The following CSMD3 variants were observed in gnomAD, a reference collection of about 807,000 sequenced individuals.
CSMD3 encodes the protein CUB and sushi domain-containing protein 3.
Under a neutral mutation model 435.2 loss-of-function variants are expected in CSMD3, and 177 were observed. That is an observed-to-expected ratio of 0.41 (90% CI 0.36 to 0.46). CSMD3 has a LOEUF of 0.46. Among genes scored for constraint, CSMD3 ranks in the 20% least tolerant of loss-of-function variants. The pLI is 0.34. For missense variants in CSMD3, 4,265 were observed against 4,504.6 expected, an observed-to-expected ratio of 0.95 and a Z score of 1.52; for synonymous variants, 1,656 against 1,520.5, an observed-to-expected ratio of 1.09 and a Z score of -2.07.
intron 63 of CSMD3, 69 bp downstream of exon 63, chr8:112,254,184 A>T (rs2130254649): frequency 9.9e-7 from 1 of 1,013,018 alleles, no homozygotes; most frequent in Non-Finnish European, 1.6e-6. Context: ...CAACAAGATT[A>T]TATGCATATG....
At chr8:112,809,569 T>G (rs1027354402) in intron 12 of CSMD3, among the ~76,000 whole-genome samples, 5 of 152,152 alleles carry the variant, frequency 3.3e-5, no homozygotes, top group Admixed American at 3.3e-4. Flanking sequence ...AAGAACCACA[T>G]TTTATTAAAA....
intron 1 of CSMD3, among the ~76,000 whole-genome samples, chr8:113,355,905 A>G (rs904700577): frequency 4.0e-5 from 6 of 150,174 alleles, no homozygotes; most frequent in African/African-American, 7.3e-5. Flanking sequence ...GTTGTACATA[A>G]TATTAGTTGA....
chr8:112,747,677 T>C (rs576654504), intron 13 of CSMD3, among the ~76,000 whole-genome samples: 2 of 152,276 alleles, frequency 1.3e-5, no homozygotes, highest in African/African-American at 4.8e-5. Context: ...TATAAAACTT[T>C]ATTTATAAAA....
chr8:112,304,796 C>T lies in CSMD3; in HGVS notation c.8191G>A (p.Gly2731Arg), dbSNP rs2130777806. 6.2e-7 allele frequency: 1 copy of T among 1,613,880 alleles called. No homozygotes were observed. The change falls in exon 52 of 71, where the codon GGA becomes AGA. Residue 2731 changes from glycine (G) to arginine (R), a missense_variant. Coordinates refer to ENST00000297405, the MANE Select transcript of CSMD3 (RefSeq NM_198123.2). ...CATTCGATGGAGGCAGGACCTAGTC[C>T]ATGATAACCAGGGTCACAGCTGAAA... ...VVFSCDPGYH[G>R]LGPASIECLP...
intron 6 of CSMD3, among the ~76,000 whole-genome samples, chr8:112,996,352 T>C (rs1330344437): frequency 6.6e-6 from 1 of 151,610 alleles, no homozygotes; most frequent in African/African-American, 2.4e-5. Flanking sequence ...TAATGAAGTA[T>C]TTGCCTTTTT....
chr8:112,746,893 A>C (rs1389452201), intron 13 of CSMD3, among the ~76,000 whole-genome samples: 2 of 152,106 alleles, frequency 1.3e-5, no homozygotes, highest in Non-Finnish European at 2.9e-5. Flanking sequence ...GTTGTCATTA[A>C]CAAGTCTCTA....
At chr8:112,897,684 CTCTCTCTCTCTGTG>C (rs2081987702) in intron 10 of CSMD3, among the ~76,000 whole-genome samples, 1 of 87,658 alleles carries the variant, frequency 1.1e-5, no homozygotes, top group Non-Finnish European at 2.3e-5. Context: ...CTCTCTCTCT[CTCTCTCTCTCTGTG>C]TGTGTGTGTG....
At chr8:113,233,215 A>C (rs1563580644) in intron 3 of CSMD3, among the ~76,000 whole-genome samples, 1 of 151,574 alleles carries the variant, frequency 6.6e-6, no homozygotes, top group Non-Finnish European at 1.5e-5. Flanking sequence ...ACTTATATGC[A>C]ATTAATAATT....
chr8:113,369,542 T>A (rs1010418778), intron 1 of CSMD3, among the ~76,000 whole-genome samples: 2 of 151,946 alleles, frequency 1.3e-5, no homozygotes, highest in African/African-American at 4.8e-5. Flanking sequence ...GATCTAGCAA[T>A]CCCACTGCTG....
chr8:113,133,378 T>C (rs2091334238), intron 4 of CSMD3, among the ~76,000 whole-genome samples: 1 of 151,978 alleles, frequency 6.6e-6, no homozygotes, highest in African/African-American at 2.4e-5. Context: ...CCTCACACCG[T>C]TAGGATTGCT....
intron 5 of CSMD3, among the ~76,000 whole-genome samples, chr8:113,074,802 A>G (rs2089272775): frequency 6.6e-6 from 1 of 151,840 alleles, no homozygotes; most frequent in African/African-American, 2.4e-5. Flanking sequence ...CCTCTCCAGT[A>G]AGGTTAATTT....
chr8:113,326,819 A>G (rs1296127845), intron 1 of CSMD3, among the ~76,000 whole-genome samples: 1 of 152,174 alleles, frequency 6.6e-6, no homozygotes, highest in African/African-American at 2.4e-5. Context: ...TTCCAAATTC[A>G]TAAGAATGAC....
At position 112,277,492 on chromosome 8, in the gene CSMD3, C is replaced by G. The variant is rs571986607; in HGVS notation, c.9508+3682G>C. 7.2e-5 allele frequency among the ~76,000 whole-genome samples: 11 copies of G among 152,292 alleles called. 1 individual carries two copies. In the Middle Eastern group the frequency reaches 0.014, roughly 188 times the overall value. ...CCATTCAACAAGTCTCTAGGAAGTT[C>G]CAAACTTTCCCACATTTTTCTGTCT... On this transcript the variant is annotated intron_variant, in intron 59 of 70. Transcript: ENST00000297405.
chr8:113,120,560 T>A (rs1485283816), intron 4 of CSMD3, among the ~76,000 whole-genome samples: 1 of 152,188 alleles, frequency 6.6e-6, no homozygotes. Flanking sequence ...ATTTAGTAGA[T>A]AATTTCAGCA....
chr8:112,484,516 T>C (rs890203882), intron 31 of CSMD3, among the ~76,000 whole-genome samples: 38 of 149,604 alleles, frequency 2.5e-4, no homozygotes, highest in South Asian at 1.3e-3. Flanking sequence ...CACACACACA[T>C]ATATATATAT....
intron 13 of CSMD3, among the ~76,000 whole-genome samples, chr8:112,797,721 G>T (rs1000327395): frequency 1.3e-5 from 2 of 151,754 alleles, no homozygotes; most frequent in Non-Finnish European, 3.0e-5. Context: ...TTTAGTAGGT[G>T]AACTTGCTAA....
At chr8:112,877,486 T>C (rs2081319565) in intron 10 of CSMD3, among the ~76,000 whole-genome samples, 1 of 152,096 alleles carries the variant, frequency 6.6e-6, no homozygotes, top group African/African-American at 2.4e-5. Flanking sequence ...CAAGCTGGTC[T>C]CGAACTCCTG....
chr8:112,935,502 A>G (rs116183599), intron 9 of CSMD3, among the ~76,000 whole-genome samples: 2,094 of 152,206 alleles, frequency 0.014, 50 homozygotes, highest in African/African-American at 0.048. Flanking sequence ...TGGTTAGTAT[A>G]GACACTTTTT....
rs181269081 is a variant in CSMD3, at chr8:112,722,216, A to T, written c.1973-32166T>A. Among the ~76,000 whole-genome samples the T allele has an allele frequency of 6.1e-3, 934 of 152,048 alleles. 4 individuals carry two copies. Among genetic ancestry groups the T allele is most frequent in the Non-Finnish European group, 9.4e-3 (638 of 67,970 alleles). ...AGAGAAAAAAAAAAAAAGCAAGGGA[A>T]CTGTTCCAGAGGAAAAGATACCAAA... On this transcript the variant is annotated intron_variant, in intron 13 of 70. Transcript: ENST00000297405.
Sources: allele counts gnomAD v4.1 joint callset (sites outside exome capture counted in the v4.1 genomes callset), GRCh38; gene constraint gnomAD v4.1.1; transcripts MANE v1.5; gene names NCBI Gene and HGNC (gene_info 2026-07-23, HGNC 2026-07-21).